KMT2C: variants seen among roughly 807,000 people sequenced by gnomAD.
The protein encoded by KMT2C is lysine methyltransferase 2C, also known as histone-lysine N-methyltransferase 2C.
In KMT2C, 88 loss-of-function variants were observed where a neutral mutation model predicts 507.9. That is an observed-to-expected ratio of 0.17 (90% confidence interval 0.15 to 0.21). The LOEUF (loss-of-function observed/expected upper bound fraction) is 0.21, where lower values mean the gene tolerates loss of function less well. KMT2C is among the 10% of genes least tolerant of loss of function. The probability of loss-of-function intolerance (pLI) is 1.00; values close to 1 mark genes in which losing one functional copy is unlikely to be tolerated. For missense variants in KMT2C, 4,954 were observed against 5,957.8 expected (o/e 0.83, Z 5.55); for synonymous variants, 2,049 against 2,080.8 (o/e 0.98, Z 0.42).
intron 14 of KMT2C, among the ~76,000 whole-genome samples, chr7:152,243,735 G>A (rs1002813204): frequency 1.1e-4 from 17 of 152,030 alleles, no homozygotes; most frequent in African/African-American, 4.1e-4. Flanking sequence ...CAGTGAGTGA[G>A]GTCGTGCCAC....
intron 1 of KMT2C, among the ~76,000 whole-genome samples, chr7:152,396,430 C>A (rs995238923): frequency 6.6e-6 from 1 of 152,104 alleles, no homozygotes; most frequent in Admixed American, 6.5e-5. Context: ...ACGTGTAAAG[C>A]ACTTAGGATA....
At chr7:152,171,548 C>A (rs1451650075) in intron 39 of KMT2C, among the ~76,000 whole-genome samples, 3 of 152,160 alleles carry the variant, frequency 2.0e-5, no homozygotes, top group Non-Finnish European at 2.9e-5. Context: ...GCTCTTAGCA[C>A]CCTCATGTTA....
chr7:152,322,874 C>CA, intron 3 of KMT2C, among the ~76,000 whole-genome samples: 1 of 152,110 alleles, frequency 6.6e-6, no homozygotes, highest in Non-Finnish European at 1.5e-5. Context: ...AGACATTTCT[C>CA]AAAAGAACAC....
chr7:152,378,381 A>G (rs1398035140), intron 1 of KMT2C, among the ~76,000 whole-genome samples: 8 of 152,256 alleles, frequency 5.3e-5, no homozygotes, highest in Non-Finnish European at 1.2e-4. Flanking sequence ...AGCCACCAAC[A>G]TCCTCTATCA....
At chr7:152,317,996 G>A (rs1388644975) in intron 3 of KMT2C, among the ~76,000 whole-genome samples, 2 of 151,956 alleles carry the variant, frequency 1.3e-5, no homozygotes, top group African/African-American at 2.4e-5. Flanking sequence ...AAATTAGCCA[G>A]GCATGGTGGC....
chr7:152,366,953 G>GCTT (rs1347970152), intron 1 of KMT2C: 7 of 518,052 alleles, frequency 1.4e-5, no homozygotes, highest in Non-Finnish European at 2.4e-5. Flanking sequence ...GCAAGGTCGC[G>GCTT]CAGAAGCTCC....
chr7:152,361,762 CATA>C (rs2097199720), intron 1 of KMT2C, among the ~76,000 whole-genome samples: 3 of 152,036 alleles, frequency 2.0e-5, no homozygotes. Flanking sequence ...CTTAAACTGT[CATA>C]ATGATAAAAA....
At chr7:152,301,363 G>A (rs372578547) in intron 6 of KMT2C, among the ~76,000 whole-genome samples, 34 of 151,632 alleles carry the variant, frequency 2.2e-4, no homozygotes, top group African/African-American at 8.0e-4. Context: ...CAAAATATTC[G>A]CTGGGCATGG....
intron 7 of KMT2C, among the ~76,000 whole-genome samples, chr7:152,270,276 A>G (rs3951742): frequency 6.6e-6 from 1 of 150,982 alleles, no homozygotes; most frequent in Non-Finnish European, 1.5e-5. Context: ...AAGAAAAGCA[A>G]CAGGACTTAA....
chr7:152,187,311 T>C lies in KMT2C; in HGVS notation c.4959A>G (p.Pro1653=), dbSNP rs770326579. 6.2e-7 allele frequency: 1 copy of C among 1,614,098 alleles called. No individual in the cohort carries two copies. The highest frequency in any genetic ancestry group is 2.2e-5 in the East Asian group (1 of 44,874). Reference sequence around the variant, plus strand: ...GGAAATTAATATTGGTGTAGAGAACTGGGGCAACAGTTGCCATTTCACCCA... The same window carrying C: ...GGAAATTAATATTGGTGTAGAGAACCGGGGCAACAGTTGCCATTTCACCCA... ...EALGEMATVA[P]VLYTNINFPN... The change falls in exon 33 of 59, where the codon CCA becomes CCG. Residue 1653 remains proline (P), a synonymous_variant. Transcript: ENST00000262189.
chr7:152,383,764 G>A (rs1421457267), intron 1 of KMT2C, among the ~76,000 whole-genome samples: 6 of 152,092 alleles, frequency 3.9e-5, no homozygotes. Context: ...TGTATAATGG[G>A]GATAACAGAC....
In KMT2C at chr7:152,194,624, T is replaced by C. The variant is rs114066365; in HGVS notation, c.4379-56A>G. 5.8e-4 allele frequency: 791 copies of C among 1,364,014 alleles called. 1 individual carries two copies. The African/African-American group carries it at 0.01, about 18-fold the overall frequency. The allele number at this position is 1,364,014 out of a possible 1,614,324, so 84.5% of individuals were successfully genotyped here. A position where few individuals can be genotyped will look rare whatever the true frequency, so the allele number is the denominator to read the frequency against. On this transcript the variant is annotated intron_variant, in intron 28 of 58. Transcript: ENST00000262189. The stretch of plus-strand genomic sequence containing the variant: ...TACATTCAGAATACTCACACAAAAA[T>C]GTATAGCACTATTTACCTGTACTTA...
chr7:152,176,983 T>C lies in KMT2C; in HGVS notation c.8470A>G (p.Thr2824Ala). Reference sequence around the variant, plus strand: ...TTAGAATTTGGAGACAGTACTTCCGTTTTTACCTCATTGGTAACAGTGGAT... The same window carrying C: ...TTAGAATTTGGAGACAGTACTTCCGCTTTTACCTCATTGGTAACAGTGGAT... ...KKSTVTNEVK[T>A]EVLSPNSKVE... Residue 2824 changes from threonine to alanine, a missense_variant, in exon 38 of 59, where the codon ACG becomes GCG. Thr to Ala is a moderately conservative substitution (Grantham distance 58). Around this residue, in one of 29 missense-constraint regions of KMT2C, gnomAD observed 1,689 missense variants for 1,654.3 expected, o/e 1.02. Coordinates refer to ENST00000262189, the MANE Select transcript of KMT2C (RefSeq NM_170606.3). The C allele has an allele frequency of 4.3e-6, 7 of 1,614,100 alleles. No individual in the cohort carries two copies. The highest frequency in any genetic ancestry group is 5.9e-6 in the Non-Finnish European group (7 of 1,179,938).
At chr7:152,345,947 A>AAT (rs1036017756) in intron 2 of KMT2C, among the ~76,000 whole-genome samples, 2 of 152,250 alleles carry the variant, frequency 1.3e-5, no homozygotes, top group African/African-American at 2.4e-5. Context: ...CCAGGCTAAA[A>AAT]ATAATCAAAA....
chr7:152,302,246 T>G (rs767069678), intron 6 of KMT2C, among the ~76,000 whole-genome samples: 10 of 151,588 alleles, frequency 6.6e-5, no homozygotes, highest in Non-Finnish European at 1.0e-4. Flanking sequence ...AAACACCTGG[T>G]TTTTTTTGAG....
intron 27 of KMT2C, among the ~76,000 whole-genome samples, chr7:152,196,652 A>G (rs1359517128): frequency 6.6e-6 from 1 of 152,280 alleles, no homozygotes; most frequent in Non-Finnish European, 1.5e-5. Flanking sequence ...GTTAGTAAAT[A>G]AACGACATCG....
At chr7:152,221,714 A>G (rs1301231709) in intron 22 of KMT2C, among the ~76,000 whole-genome samples, 1 of 152,252 alleles carries the variant, frequency 6.6e-6, no homozygotes, top group African/African-American at 2.4e-5. Context: ...TTTTCTGCTA[A>G]CTGATAATTA....
At position 152,148,405 on chromosome 7, in the gene KMT2C, G is replaced by A. The variant is rs182572555; in HGVS notation, c.13522C>T (p.Pro4508Ser). The change falls in exon 52 of 59, where the codon CCA becomes TCA. Residue 4508 changes from proline to serine, a missense_variant. Physicochemically the swap from Pro to Ser is moderately conservative, Grantham distance 74 (BLOSUM62 -1). Coordinates refer to ENST00000262189, the MANE Select transcript of KMT2C (RefSeq NM_170606.3). The surrounding 1 kb of genome is among the most constrained non-coding windows in gnomAD (Gnocchi z 7.1). The part of the protein sequence containing the change: ...DKTMLCPMHK[P>S]KGIHEQELSY... ...AATTCTTGCTCATGAATTCCCTTTG[G>A]TTTGTGCATGGGGCAAAGCATAGTT... 150 of 1,614,232 alleles carry A rather than the reference G, an allele frequency of 9.3e-5. 1 individual carries two copies. The Admixed American group carries it at 2.0e-3, about 22-fold the overall frequency.
intron 9 of KMT2C, among the ~76,000 whole-genome samples, chr7:152,254,810 C>G (rs566492323): frequency 6.6e-6 from 1 of 151,924 alleles, no homozygotes; most frequent in African/African-American, 2.4e-5. Context: ...TTGGAACATC[C>G]TAGAAAATTG....
Sources: allele counts gnomAD v4.1 joint callset (sites outside exome capture counted in the v4.1 genomes callset), GRCh38; gene constraint gnomAD v4.1.1; regional missense constraint gnomAD v4.1.1; non-coding constraint Gnocchi (gnomAD v3.1); transcripts MANE v1.5; gene names NCBI Gene and HGNC (gene_info 2026-07-23, HGNC 2026-07-21).